TNPO1: variants seen among roughly 807,000 people sequenced by gnomAD.
TNPO1 encodes the protein transportin 1.
TNPO1 carries 8 observed loss-of-function variants against 119.5 expected under a neutral mutation model. The ratio of observed to expected loss-of-function variants is 0.07; its 90% CI spans 0.04 to 0.12. The LOEUF is 0.12. Among genes scored for constraint, TNPO1 ranks in the 10% least tolerant of loss-of-function variants. The pLI is 1.00. For synonymous variants in TNPO1, 362 were observed against 363.0 expected (o/e 1.00, Z 0.03); for missense variants, 576 against 1,089.8 (o/e 0.53, Z 6.64).
intron 4 of TNPO1, among the ~76,000 whole-genome samples, chr5:72,859,676 T>C (rs1746277245): frequency 6.6e-6 from 1 of 152,208 alleles, no homozygotes. Flanking sequence ...ACAGTTTGTT[T>C]GTAATTTTAT....
chr5:72,891,938 A>G lies in TNPO1; in HGVS notation c.1788+42A>G, dbSNP rs137930006. On this transcript the variant is annotated intron_variant, in intron 15 of 24. Coordinates refer to ENST00000337273, the MANE Select transcript of TNPO1 (RefSeq NM_002270.4). ...ATATTTAATCTGTTGCCAAGAACACATGTTCAAATCCAAAATGGGTATATA... is the reference window on the plus strand; with the variant it reads ...ATATTTAATCTGTTGCCAAGAACACGTGTTCAAATCCAAAATGGGTATATA... 3.3e-4 allele frequency: 496 copies of G among 1,496,798 alleles called. No homozygotes were observed. The African/African-American group carries it at 6.2e-3, about 19-fold the overall frequency. 92.7% of individuals were successfully genotyped at this position (1,496,798 alleles called of 1,614,324 possible).
intron 12 of TNPO1, among the ~76,000 whole-genome samples, chr5:72,887,544 G>A (rs572235912): frequency 6.6e-6 from 1 of 152,320 alleles, no homozygotes; most frequent in Non-Finnish European, 1.5e-5. Flanking sequence ...AATTAGCTGG[G>A]CGTGGTGGCA....
Position 72,910,656 on chromosome 5 carries a change from T to G in TNPO1, c.*1983T>G, listed in dbSNP as rs1269099406. On this transcript the variant is annotated 3_prime_UTR_variant, in exon 25 of 25. Coordinates refer to ENST00000337273, the MANE Select transcript of TNPO1 (RefSeq NM_002270.4). Reference sequence around the variant, plus strand: ...CCATTTTTATAAGCAGTTGCTCCTCTTTGCATGGTTCTATTCTCTAAAAGT... The same window carrying G: ...CCATTTTTATAAGCAGTTGCTCCTCGTTGCATGGTTCTATTCTCTAAAAGT... 6.6e-6 allele frequency: 1 copy of G among 152,576 alleles called. No homozygotes were observed. Among genetic ancestry groups the G allele is most frequent in the African/African-American group, 2.4e-5 (1 of 41,458 alleles). 9.5% of individuals were successfully genotyped at this position (152,576 alleles called of 1,614,324 possible). A position where few individuals can be genotyped will look rare whatever the true frequency, so the allele number is the denominator to read the frequency against.
At chr5:72,897,792 AT>A (rs1378527644) in intron 20 of TNPO1, among the ~76,000 whole-genome samples, 1 of 151,978 alleles carries the variant, frequency 6.6e-6, no homozygotes, top group Non-Finnish European at 1.5e-5. Flanking sequence ...AAAGACAGAA[AT>A]TTTGTTTTCA....
chr5:72,864,417 A>G (rs991003767), intron 5 of TNPO1, among the ~76,000 whole-genome samples: 1 of 152,152 alleles, frequency 6.6e-6, no homozygotes, highest in African/African-American at 2.4e-5. Context: ...TATAAACAGT[A>G]AAGTAGGTGG....
At chr5:72,851,585 C>T (rs111847671) in intron 3 of TNPO1, among the ~76,000 whole-genome samples, 9 of 152,230 alleles carry the variant, frequency 5.9e-5, no homozygotes, top group African/African-American at 1.9e-4. Context: ...ATCTGCCTCC[C>T]GGGTTCAAGC....
At position 72,865,690 on chromosome 5, in the gene TNPO1, A is replaced by G. The variant is rs917726522; in HGVS notation, c.557A>G (p.Lys186Arg). The G allele has an allele frequency of 6.2e-7, 1 of 1,613,852 alleles. No homozygotes were observed. The highest frequency in any genetic ancestry group is 8.5e-7 in the Non-Finnish European group (1 of 1,179,866). ...CGTCCTCTCAACATCATGATTCCCAAATTTTTACAGTTCTTCAAGCATAGT... is the reference window on the plus strand; with the variant it reads ...CGTCCTCTCAACATCATGATTCCCAGATTTTTACAGTTCTTCAAGCATAGT... ...LDRPLNIMIP[K>R]FLQFFKHSSP... is the part of the protein sequence containing the mutation. The change falls in exon 6 of 25, where the codon AAA becomes AGA. Residue 186 changes from lysine (K) to arginine (R), a missense_variant. Around this residue, in one of 6 missense-constraint regions of TNPO1, gnomAD observed 310 missense variants for 583.0 expected, o/e 0.53. Transcript: ENST00000337273.
At chr5:72,865,248 C>A (rs1006405454) in intron 5 of TNPO1, among the ~76,000 whole-genome samples, 25 of 151,812 alleles carry the variant, frequency 1.6e-4, no homozygotes, top group Non-Finnish European at 3.2e-4. Context: ...TTGAGACCAG[C>A]CTGGCCAACA....
chr5:72,856,225 T>G (rs1035503597), intron 4 of TNPO1, among the ~76,000 whole-genome samples: 2 of 152,026 alleles, frequency 1.3e-5, no homozygotes, highest in African/African-American at 2.4e-5. Context: ...GCATGCAGAT[T>G]AGAGTTCTGT....
At chr5:72,836,685 C>A (rs1190946253) in intron 1 of TNPO1, among the ~76,000 whole-genome samples, 3 of 152,144 alleles carry the variant, frequency 2.0e-5, no homozygotes, top group African/African-American at 4.8e-5. Context: ...TTAAGTTCTG[C>A]CTTCCTTTTA....
At chr5:72,887,016 A>C in intron 11 of TNPO1, 54 bp from the exon 12 acceptor site, 1 of 1,454,774 alleles carries the variant, frequency 6.9e-7, no homozygotes, top group Non-Finnish European at 9.3e-7. Flanking sequence ...ACAATAAATA[A>C]TATATAAGTA....
chr5:72,860,724 T>TA (rs1242863179), intron 4 of TNPO1, among the ~76,000 whole-genome samples: 1 of 152,204 alleles, frequency 6.6e-6, no homozygotes, highest in African/African-American at 2.4e-5. Flanking sequence ...TCTCAAGTGA[T>TA]ACTCATCTGC....
chr5:72,869,437 C>A (rs1010425505), intron 6 of TNPO1, among the ~76,000 whole-genome samples: 1 of 151,960 alleles, frequency 6.6e-6, no homozygotes, highest in African/African-American at 2.4e-5. Context: ...ATCCCAGTTA[C>A]TTGGGAGGCT....
intron 1 of TNPO1, among the ~76,000 whole-genome samples, chr5:72,842,389 T>TA (rs753658275): frequency 1.6e-4 from 25 of 152,250 alleles, no homozygotes; most frequent in Non-Finnish European, 3.1e-4. Context: ...CTTAGGCAAG[T>TA]AACTTCTCTG....
intron 20 of TNPO1, among the ~76,000 whole-genome samples, 192 bp from the exon 21 acceptor site, chr5:72,899,814 T>C (rs973982919): frequency 2.0e-5 from 3 of 152,200 alleles, no homozygotes; most frequent in Non-Finnish European, 4.4e-5. Context: ...CCATATATGT[T>C]GCTGCCCCTT....
chr5:72,861,004 C>G (rs1485933702), intron 4 of TNPO1, among the ~76,000 whole-genome samples: 1 of 151,868 alleles, frequency 6.6e-6, no homozygotes, highest in Non-Finnish European at 1.5e-5. Context: ...CCTCCGCCTC[C>G]CGGGTTCAAG....
intron 6 of TNPO1, among the ~76,000 whole-genome samples, chr5:72,866,969 G>T (rs1197996419): frequency 6.6e-6 from 1 of 152,012 alleles, no homozygotes; most frequent in African/African-American, 2.4e-5. Context: ...GAGGCCAGGA[G>T]TTAGAGACCA....
chr5:72,840,132 C>T (rs1265177342), intron 1 of TNPO1, among the ~76,000 whole-genome samples: 2 of 152,138 alleles, frequency 1.3e-5, no homozygotes, highest in Non-Finnish European at 2.9e-5. Flanking sequence ...GCAGACCGCT[C>T]ATAGTCTGCC....
chr5:72,837,658 A>G (rs1251638483), intron 1 of TNPO1, among the ~76,000 whole-genome samples: 3 of 152,210 alleles, frequency 2.0e-5, no homozygotes, highest in African/African-American at 7.2e-5. Flanking sequence ...TCCTATTGTT[A>G]TCTGATGGTA....
Sources: gnomAD v4.1 joint callset for allele counts (sites outside exome capture counted in the v4.1 genomes callset) on GRCh38, gnomAD v4.1.1 for gene constraint, gnomAD v4.1.1 regional missense constraint, MANE v1.5 for transcripts, NCBI Gene and HGNC (gene_info 2026-07-23, HGNC 2026-07-21) for gene names.